Variants in OSBPL9 observed in about 807,000 individuals in gnomAD.
The protein encoded by OSBPL9 is oxysterol binding protein like 9, also known as oxysterol-binding protein-related protein 9.
In OSBPL9, 40 loss-of-function variants were observed where a neutral mutation model predicts 106.6. The observed-to-expected ratio is 0.38, with a 90% confidence interval of 0.29 to 0.49. The LOEUF (loss-of-function observed/expected upper bound fraction) is 0.49. Among genes scored for constraint, OSBPL9 ranks in the 20% least tolerant of loss-of-function variants. OSBPL9 has a pLI of 0.97. For missense variants in OSBPL9, 609 were observed against 887.2 expected (o/e 0.69, Z 3.98); for synonymous variants, 269 against 295.4 (o/e 0.91, Z 0.92).
At chr1:51,777,075 G>T (rs747796989) in intron 15 of OSBPL9, among the ~76,000 whole-genome samples, 157 bp downstream of exon 15, 1 of 152,114 alleles carries the variant, frequency 6.6e-6, no homozygotes, top group Non-Finnish European at 1.5e-5. Flanking sequence ...TTGCCTGTTT[G>T]CTTAAAGTTA....
At chr1:51,572,157 C>G in the OSBPL9 span, among the ~76,000 whole-genome samples, 5 of 152,132 alleles carry the variant, frequency 3.3e-5, no homozygotes, top group African/African-American at 1.2e-4. Flanking sequence ...ATAATTCTCT[C>G]CTTTAATCAA....
At chr1:51,691,677 A>G (rs1393390988) in intron 3 of OSBPL9, among the ~76,000 whole-genome samples, 1 of 152,010 alleles carries the variant, frequency 6.6e-6, no homozygotes, top group Non-Finnish European at 1.5e-5. Context: ...TAAAACACAA[A>G]CATATTGTAT....
At chr1:51,564,052 C>CAAAA in the OSBPL9 span, among the ~76,000 whole-genome samples, 2,689 of 27,368 alleles carry the variant, frequency 0.098, 410 homozygotes, top group African/African-American at 0.24. Context: ...GAGATCATCT[C>CAAAA]AAAAAAAAAA....
intron 1 of OSBPL9, among the ~76,000 whole-genome samples, chr1:51,583,206 A>G (rs1645230586): frequency 6.6e-6 from 1 of 152,276 alleles, no homozygotes; most frequent in East Asian, 1.9e-4. Context: ...CTATGCCGAG[A>G]TAAGATTTGA....
intron 1 of OSBPL9, among the ~76,000 whole-genome samples, chr1:51,584,472 G>A (rs1254226545): frequency 5.6e-5 from 8 of 142,360 alleles, no homozygotes; most frequent in Admixed American, 5.4e-4. Context: ...ACTTTGGGAG[G>A]CCAAGCTGAG....
chr1:51,520,651 A>G, the OSBPL9 span, among the ~76,000 whole-genome samples: 1 of 152,198 alleles, frequency 6.6e-6, no homozygotes, highest in Non-Finnish European at 1.5e-5. Flanking sequence ...TCAGGCCTAC[A>G]CCCATTACCA....
intron 1 of OSBPL9, among the ~76,000 whole-genome samples, chr1:51,636,008 G>A (rs1645412616): frequency 6.6e-6 from 1 of 151,736 alleles, no homozygotes; most frequent in Non-Finnish European, 1.5e-5. Context: ...AATATGCTTG[G>A]TTGTGGAATT....
intron 15 of OSBPL9, among the ~76,000 whole-genome samples, chr1:51,780,738 C>T (rs1382566605): frequency 1.3e-5 from 2 of 151,654 alleles, no homozygotes; most frequent in African/African-American, 4.8e-5. Context: ...GCACTCCAGC[C>T]TGGGTGACAG....
intron 3 of OSBPL9, among the ~76,000 whole-genome samples, chr1:51,700,370 T>A (rs539213740): frequency 6.6e-6 from 1 of 152,318 alleles, no homozygotes; most frequent in South Asian, 2.1e-4. Flanking sequence ...ACAGTACTTT[T>A]AACTAAACTA....
At chr1:51,719,487 T>C (rs1311777874) in intron 4 of OSBPL9, among the ~76,000 whole-genome samples, 1 of 152,024 alleles carries the variant, frequency 6.6e-6, no homozygotes. Context: ...ACAAACTAAA[T>C]GCTGAGAGAT....
intron 9 of OSBPL9, 186 bp from the exon 10 acceptor site, chr1:51,760,504 T>A: frequency 1.4e-6 from 1 of 719,866 alleles, no homozygotes; most frequent in Non-Finnish European, 2.1e-6. Context: ...TTGTCTTTCC[T>A]TACTATGCTT....
chr1:51,552,234 G>A, the OSBPL9 span, among the ~76,000 whole-genome samples: 1 of 152,126 alleles, frequency 6.6e-6, no homozygotes, highest in Non-Finnish European at 1.5e-5. Flanking sequence ...CATGAAGGTA[G>A]AAACTTCTCT....
At chr1:51,599,236 T>G (rs2148603402) in intron 2 of OSBPL9, among the ~76,000 whole-genome samples, 1 of 152,262 alleles carries the variant, frequency 6.6e-6, no homozygotes, top group Non-Finnish European at 1.5e-5. Flanking sequence ...AAAACACCAA[T>G]GACTTCTGTT....
At chr1:51,777,225 A>G (rs1168586053) in intron 15 of OSBPL9, among the ~76,000 whole-genome samples, 1 of 152,234 alleles carries the variant, frequency 6.6e-6, no homozygotes, top group East Asian at 1.9e-4. Context: ...AATTATTTGT[A>G]CTATATCCTA....
At chr1:51,779,876 G>A (rs2149135775) in intron 15 of OSBPL9, among the ~76,000 whole-genome samples, 1 of 152,216 alleles carries the variant, frequency 6.6e-6, no homozygotes, top group East Asian at 1.9e-4. Context: ...AGGAGAGTGA[G>A]ACCATCCTGG....
At chr1:51,532,716 A>G in the OSBPL9 span, among the ~76,000 whole-genome samples, 1 of 152,150 alleles carries the variant, frequency 6.6e-6, no homozygotes, top group Non-Finnish European at 1.5e-5. Flanking sequence ...TGAGAATGCA[A>G]GAGGAGGCAA....
the OSBPL9 span, among the ~76,000 whole-genome samples, chr1:51,564,855 G>A: frequency 1.3e-5 from 2 of 152,274 alleles, no homozygotes; most frequent in Middle Eastern, 6.8e-3. Context: ...CCAAGTCCTT[G>A]AGCCAAGCCA....
chr1:51,730,052 C>A, intron 4 of OSBPL9: 1 of 1,285,858 alleles, frequency 7.8e-7, no homozygotes, highest in Non-Finnish European at 9.9e-7. Flanking sequence ...ACCCCTGAGT[C>A]CCCGGGGTCC....
intron 16 of OSBPL9, 65 bp from the exon 17 acceptor site, chr1:51,782,494 C>T (rs1363240281): frequency 4.2e-5 from 54 of 1,288,900 alleles, no homozygotes; most frequent in South Asian, 2.5e-4. Context: ...CCCCAATTAC[C>T]AGATTCTCTG....
Sources: allele counts gnomAD v4.1 joint callset (sites outside exome capture counted in the v4.1 genomes callset), GRCh38; gene constraint gnomAD v4.1.1; transcripts MANE v1.5; gene names NCBI Gene and HGNC (gene_info 2026-07-23, HGNC 2026-07-21).